LHX6: variants seen among roughly 807,000 people sequenced by gnomAD.
The protein encoded by LHX6 is LIM/homeobox protein Lhx6.
Under a neutral mutation model 47.1 loss-of-function variants are expected in LHX6, and 15 were observed. The observed-to-expected ratio is 0.32, with a 90% CI of 0.21 to 0.49. The LOEUF is 0.49. LHX6 is among the 20% of genes least tolerant of loss of function. The pLI is 0.99. For synonymous variants in LHX6, 242 were observed against 233.5 expected (o/e 1.04, Z -0.33); for missense variants, 404 against 539.6 (o/e 0.75, Z 2.49).
Position 122,217,330 on chromosome 9 carries a change from C to A in LHX6, c.462-42G>T. On this transcript the variant is annotated intron_variant, in intron 4 of 9. Transcript: ENST00000394319. The surrounding 1 kb of genome is among the most constrained non-coding windows in gnomAD (Gnocchi z 4.9). ...CAGGCACGGGGTGTCGAGACTCAGA[C>A]AGGCCAACCTTCCTCCTTCCACCAC... 1 of 1,529,008 alleles carries A rather than the reference C, an allele frequency of 6.5e-7. No homozygotes were observed. The highest frequency in any genetic ancestry group is 8.9e-7 in the Non-Finnish European group (1 of 1,128,456). The allele number at this position is 1,529,008 out of a possible 1,614,324, so 94.7% of individuals were successfully genotyped here. A position where few individuals can be genotyped will look rare whatever the true frequency, so the allele number is the denominator to read the frequency against.
In LHX6 at chr9:122,217,003, TGCTGGGGTGGGGTGGGGTGGGAAAGG is replaced by T; in HGVS notation, c.682+39_682+64del. ...AGAGGAGTGTGGGTGGTTCCTGGGG[TGCTGGGGTGGGGTGGGGTGGGAAAGG>T]GCTGGGGGCAGAGGTGCCAGGCGGA... is the stretch of plus-strand genomic sequence containing the variant. On this transcript the variant is annotated intron_variant, in intron 5 of 9. Transcript: ENST00000394319. This position sits in a 1 kb window ranked among gnomAD's most constrained non-coding sequence, Gnocchi z 4.9. The T allele has an allele frequency of 7.4e-7, 1 of 1,351,722 alleles. No individual in the cohort carries two copies. Among genetic ancestry groups the T allele is most frequent in the Non-Finnish European group, 1.0e-6 (1 of 966,992 alleles). 83.7% of individuals were successfully genotyped at this position (1,351,722 alleles called of 1,614,324 possible).
At chr9:122,227,288 C>A (rs1831144348) in intron 2 of LHX6, 121 bp downstream of exon 2, 2 of 1,061,368 alleles carry the variant, frequency 1.9e-6, no homozygotes, top group South Asian at 1.8e-5. Flanking sequence ...CAGAGAGGGG[C>A]GGCGCCCGCC....
chr9:122,218,713 G>A (rs143171440), intron 4 of LHX6, among the ~76,000 whole-genome samples: 146 of 152,122 alleles, frequency 9.6e-4, no homozygotes, highest in African/African-American at 3.4e-3. Flanking sequence ...AAACCCAAGC[G>A]ACCACATCCT....
At position 122,226,840 on chromosome 9, in the gene LHX6, T is replaced by C. The variant is rs892479042; in HGVS notation, c.339+8A>G. On this transcript the variant is annotated splice_region_variant and intron_variant, in intron 3 of 9. Transcript: ENST00000394319. This position sits in a 1 kb window ranked among gnomAD's most constrained non-coding sequence, Gnocchi z 6.5. Reference sequence around the variant, plus strand: ...ACAACACGCACGCAACACCTACCCCTGTCTCACCTTGAGCAGATATCGGTC... The same window carrying C: ...ACAACACGCACGCAACACCTACCCCCGTCTCACCTTGAGCAGATATCGGTC... The C allele has an allele frequency of 1.3e-6, 2 of 1,560,372 alleles. No individual in the cohort carries two copies. The highest frequency in any genetic ancestry group is 8.7e-7 in the Non-Finnish European group (1 of 1,152,542).
chr9:122,217,162 G>T lies in LHX6; in HGVS notation c.588C>A (p.Ser196=), dbSNP rs1830625083. Residue 196 remains serine, a synonymous_variant, in exon 5 of 10, where the codon TCC becomes TCA. Coordinates refer to ENST00000394319, the MANE Select transcript of LHX6 (RefSeq NM_014368.5). The surrounding 1 kb of genome is among the most constrained non-coding windows in gnomAD (Gnocchi z 4.9). Reference sequence around the variant, plus strand: ...CGACCAGGCCGAACTCCTCACCAGTGGACAGCTGGCGCTTGCACGAGAAGC... The same window carrying T: ...CGACCAGGCCGAACTCCTCACCAGTTGACAGCTGGCGCTTGCACGAGAAGC... The part of the protein sequence containing the change: ...FACFSCKRQL[S]TGEEFGLVEE... 1 of 1,614,254 alleles carries T rather than the reference G, an allele frequency of 6.2e-7. No homozygotes were observed. Among genetic ancestry groups the T allele is most frequent in the East Asian group, 2.2e-5 (1 of 44,894 alleles).
rs1407089425 is a variant in LHX6 at position 122,225,337 on chromosome 9, T to C, written c.461+1039A>G. On this transcript the variant is annotated intron_variant, in intron 4 of 9. Coordinates refer to ENST00000394319, the MANE Select transcript of LHX6 (RefSeq NM_014368.5). ...GTGATTCTCCACCATTCTCCTCTGA[T>C]CCTATAGGCCTGGTGGTCCAAGCCT... Among the ~76,000 whole-genome samples, 3 of 152,368 alleles carry C rather than the reference T, an allele frequency of 2.0e-5. No homozygotes were observed. In the South Asian group the frequency reaches 6.2e-4, roughly 32 times the overall value.
Position 122,213,705 on chromosome 9 carries a change from G to C in LHX6, c.955C>G (p.Pro319Ala), listed in dbSNP as rs983219818. 4 of 1,612,602 alleles carry C rather than the reference G, an allele frequency of 2.5e-6. No homozygotes were observed. The highest frequency in any genetic ancestry group is 3.4e-6 in the Non-Finnish European group (4 of 1,179,738). Residue 319 changes from proline to alanine, a missense_variant, in exon 8 of 10, where the codon CCG becomes GCG. Pro to Ala is a conservative substitution (Grantham distance 27, BLOSUM62 -1). Around this residue, in one of 7 missense-constraint regions of LHX6, gnomAD observed 127 missense variants for 116.1 expected, o/e 1.09. Coordinates refer to ENST00000394319, the MANE Select transcript of LHX6 (RefSeq NM_014368.5). The surrounding 1 kb of genome is among the most constrained non-coding windows in gnomAD (Gnocchi z 5.5). ...GACAGGGCGGAGGGAAGGCGGGACGGGGGCGCCCCCGAGGGCGGCACTGGG... is the reference window on the plus strand; with the variant it reads ...GACAGGGCGGAGGGAAGGCGGGACGCGGGCGCCCCCGAGGGCGGCACTGGG... ...QHPVPPSGAP[P>A]SRLPSALSDD...
intron 8 of LHX6, among the ~76,000 whole-genome samples, chr9:122,211,189 C>A (rs1830385460): frequency 6.6e-6 from 1 of 152,150 alleles, no homozygotes; most frequent in African/African-American, 2.4e-5. Context: ...TCTTTGGTCA[C>A]AGGGAAAGGG....
chr9:122,209,608 A>G lies in LHX6; in HGVS notation c.1158+6T>C. On this transcript the variant is annotated splice_donor_region_variant and intron_variant, in intron 9 of 9. Transcript: ENST00000394319. ...GACCCACCAGACCCAACCTGGCTCC[A>G]TTTACCTTCTCACCCCGGTTGGAGA... 1.2e-6 allele frequency: 2 copies of G among 1,613,066 alleles called. No homozygotes were observed. Among genetic ancestry groups the G allele is most frequent in the Non-Finnish European group, 1.7e-6 (2 of 1,179,188 alleles).
rs1831224044 is a variant in LHX6, at chr9:122,228,870, GGGCCCGGCCTCAGCCCCCGCCCCC to G, written c.-154_-131del. On this transcript the variant is annotated 5_prime_UTR_variant, in exon 1 of 10. Transcript: ENST00000394319. ...GCCGAGGCGCCGGCCCCGCCGCCCC[GGGCCCGGCCTCAGCCCCCGCCCCC>G]GGCCCGCGCGCAGCCCCGGCCTCCC... The G allele has an allele frequency of 4.0e-6, 2 of 504,474 alleles. No individual in the cohort carries two copies. The highest frequency in any genetic ancestry group is 5.6e-6 in the Non-Finnish European group (2 of 354,066). The allele number at this position is 504,474 out of a possible 1,614,324, so 31.2% of individuals were successfully genotyped here. A position where few individuals can be genotyped will look rare whatever the true frequency, so the allele number is the denominator to read the frequency against.
In LHX6 at chr9:122,221,221, A is replaced by T. The variant is rs1263527769; in HGVS notation, c.462-3933T>A. 5 of 982,630 alleles carry T rather than the reference A, an allele frequency of 5.1e-6. No individual in the cohort carries two copies. In the African/African-American group the frequency reaches 9.1e-5, roughly 18 times the overall value. 60.9% of individuals were successfully genotyped at this position (982,630 alleles called of 1,614,324 possible). ...GTAAACCCGTAGGGGAAGAAGCCAG[A>T]GGGGGAAAAAAAACCCAGAACCAGC... On this transcript the variant is annotated intron_variant, in intron 4 of 9. Coordinates refer to ENST00000394319, the MANE Select transcript of LHX6 (RefSeq NM_014368.5).
chr9:122,218,695 G>A (rs577518386), intron 4 of LHX6, among the ~76,000 whole-genome samples: 1 of 152,094 alleles, frequency 6.6e-6, no homozygotes, highest in African/African-American at 2.4e-5. Flanking sequence ...AAACCCTTGG[G>A]GTTTGCAAAA....
intron 4 of LHX6, chr9:122,221,270 T>C: frequency 1.0e-6 from 1 of 985,478 alleles, no homozygotes. Flanking sequence ...AAACGACCGC[T>C]TCTCGGAGGT....
At chr9:122,223,347 A>G (rs1018911964) in intron 4 of LHX6, among the ~76,000 whole-genome samples, 2 of 152,222 alleles carry the variant, frequency 1.3e-5, no homozygotes, top group African/African-American at 4.8e-5. Flanking sequence ...ATTAGTGCTC[A>G]GAACCTGCAG....
Position 122,226,302 on chromosome 9 carries a change from GC to G in LHX6, c.461+73del. 1.3e-6 allele frequency: 2 copies of G among 1,530,990 alleles called. No individual in the cohort carries two copies. The highest frequency in any genetic ancestry group is 1.8e-6 in the Non-Finnish European group (2 of 1,137,394). The allele number at this position is 1,530,990 out of a possible 1,614,324, so 94.8% of individuals were successfully genotyped here. ...CGGGGTTCTGGAGGAGAGACCACAC[GC>G]CGCAAAAGTGGCCTCCGAATGCGCC... is the stretch of plus-strand genomic sequence containing the variant. On this transcript the variant is annotated intron_variant, in intron 4 of 9. Coordinates refer to ENST00000394319, the MANE Select transcript of LHX6 (RefSeq NM_014368.5). The surrounding 1 kb of genome is among the most constrained non-coding windows in gnomAD (Gnocchi z 6.5).
Position 122,226,232 on chromosome 9 carries a change from G to T in LHX6, c.461+144C>A. 1 of 1,105,982 alleles carries T rather than the reference G, an allele frequency of 9.0e-7. No homozygotes were observed. The highest frequency in any genetic ancestry group is 1.2e-6 in the Non-Finnish European group (1 of 800,322). 68.5% of individuals were successfully genotyped at this position (1,105,982 alleles called of 1,614,324 possible). ...CTCTGGGTTCGCGCCGCTGAGCGCC[G>T]GCAGGTTGGACCAGCGCTGCGCGCC... On this transcript the variant is annotated intron_variant, in intron 4 of 9. Coordinates refer to ENST00000394319, the MANE Select transcript of LHX6 (RefSeq NM_014368.5). This position sits in a 1 kb window ranked among gnomAD's most constrained non-coding sequence, Gnocchi z 6.5.
chr9:122,212,569 CT>C (rs1426139046), intron 8 of LHX6, among the ~76,000 whole-genome samples: 2 of 152,180 alleles, frequency 1.3e-5, no homozygotes, highest in African/African-American at 4.8e-5. Flanking sequence ...ATGGGAACAA[CT>C]TCAAAGGGAA....
chr9:122,226,834 T>C lies in LHX6; in HGVS notation c.339+14A>G. On this transcript the variant is annotated intron_variant, in intron 3 of 9. Transcript: ENST00000394319. This position sits in a 1 kb window ranked among gnomAD's most constrained non-coding sequence, Gnocchi z 6.5. Reference sequence around the variant, plus strand: ...GCCCCGACAACACGCACGCAACACCTACCCCTGTCTCACCTTGAGCAGATA... The same window carrying C: ...GCCCCGACAACACGCACGCAACACCCACCCCTGTCTCACCTTGAGCAGATA... 1 of 1,558,032 alleles carries C rather than the reference T, an allele frequency of 6.4e-7. No homozygotes were observed. Among genetic ancestry groups the C allele is most frequent in the African/African-American group, 1.4e-5 (1 of 73,750 alleles).
chr9:122,218,828 T>C (rs1830699176), intron 4 of LHX6, among the ~76,000 whole-genome samples: 2 of 152,074 alleles, frequency 1.3e-5, no homozygotes, highest in South Asian at 4.1e-4. Flanking sequence ...CTTTATGGCC[T>C]CCTCTGAAGC....
Sources: allele counts gnomAD v4.1 joint callset (sites outside exome capture counted in the v4.1 genomes callset), GRCh38; gene constraint gnomAD v4.1.1; regional missense constraint gnomAD v4.1.1; non-coding constraint Gnocchi (gnomAD v3.1); transcripts MANE v1.5; gene names NCBI Gene and HGNC (gene_info 2026-07-23, HGNC 2026-07-21).